The following LRRTM4 variants were observed in gnomAD, a reference collection of about 807,000 sequenced individuals.
The protein encoded by LRRTM4 is leucine-rich repeat transmembrane neuronal protein 4.
A neutral mutation model predicts 47.6 loss-of-function variants in LRRTM4; 25 were observed. The ratio of observed to expected loss-of-function variants is 0.53; its 90% CI spans 0.38 to 0.73. The LOEUF is 0.73. LRRTM4 is among the 30% of genes least tolerant of loss of function. The pLI is 0.00. For synonymous variants in LRRTM4, 311 were observed against 269.5 expected (o/e 1.15, Z -1.51); for missense variants, 638 against 713.4 (o/e 0.89, Z 1.20).
At chr2:76,915,551 G>C (rs557618372) in intron 3 of LRRTM4, among the ~76,000 whole-genome samples, 36 of 152,184 alleles carry the variant, frequency 2.4e-4, no homozygotes, top group Non-Finnish European at 4.3e-4. Context: ...CCGATGTTCT[G>C]GGTTCTACCT....
Position 76,930,044 on chromosome 2 carries a change from T to G in LRRTM4, c.1552-181128A>C, listed in dbSNP as rs1347085797. 4.6e-5 allele frequency among the ~76,000 whole-genome samples: 7 copies of G among 152,190 alleles called. No individual in the cohort carries two copies. The East Asian group carries it at 1.4e-3, about 29-fold the overall frequency. ...TATCTCTGGTGGTTATTTTTATTTTTTGTATTTCTCTGCAGAAAGATTGGA... is the reference window on the plus strand; with the variant it reads ...TATCTCTGGTGGTTATTTTTATTTTGTGTATTTCTCTGCAGAAAGATTGGA... On this transcript the variant is annotated intron_variant, in intron 3 of 3. Transcript: ENST00000409884.
At chr2:77,141,964 T>C (rs533141642) in intron 3 of LRRTM4, among the ~76,000 whole-genome samples, 3 of 152,184 alleles carry the variant, frequency 2.0e-5, no homozygotes, top group Non-Finnish European at 4.4e-5. Context: ...CTTTCTGGCC[T>C]GTTGCATTCA....
chr2:76,754,770 A>T (rs1445421207), intron 3 of LRRTM4, among the ~76,000 whole-genome samples: 1 of 152,130 alleles, frequency 6.6e-6, no homozygotes, highest in African/African-American at 2.4e-5. Flanking sequence ...CAGTGACATT[A>T]TGTGAGTTCC....
At chr2:77,314,613 A>G (rs1346946489) in intron 3 of LRRTM4, among the ~76,000 whole-genome samples, 1 of 152,192 alleles carries the variant, frequency 6.6e-6, no homozygotes, top group Admixed American at 6.5e-5. Context: ...ATAACTTAAT[A>G]TCTCTGTGAT....
chr2:76,790,847 T>C (rs1674935303), intron 3 of LRRTM4, among the ~76,000 whole-genome samples: 1 of 152,150 alleles, frequency 6.6e-6, no homozygotes, highest in Non-Finnish European at 1.5e-5. Context: ...GTTTCTCTAC[T>C]AGAAAACATG....
intron 3 of LRRTM4, among the ~76,000 whole-genome samples, chr2:76,857,530 A>G (rs961286800): frequency 2.0e-5 from 3 of 151,976 alleles, no homozygotes; most frequent in African/African-American, 7.2e-5. Flanking sequence ...GGAATTGACA[A>G]CACTAACCCC....
intron 3 of LRRTM4, among the ~76,000 whole-genome samples, chr2:76,830,074 A>G (rs1317957352): frequency 6.6e-6 from 1 of 152,008 alleles, no homozygotes; most frequent in African/African-American, 2.4e-5. Context: ...GATTTATAAA[A>G]TGAACCTTCC....
At chr2:76,908,223 A>C (rs549326854) in intron 3 of LRRTM4, among the ~76,000 whole-genome samples, 47 of 151,880 alleles carry the variant, frequency 3.1e-4, no homozygotes, top group Admixed American at 2.3e-3. Flanking sequence ...CAGCATATAA[A>C]CAGAACCAAA....
intron 3 of LRRTM4, among the ~76,000 whole-genome samples, chr2:77,476,773 T>C (rs1301395821): frequency 1.3e-5 from 2 of 152,110 alleles, no homozygotes; most frequent in African/African-American, 4.8e-5. Flanking sequence ...TTTACTACAG[T>C]ATATTTGGTG....
intron 3 of LRRTM4, among the ~76,000 whole-genome samples, chr2:76,924,904 G>T (rs1010612570): frequency 2.0e-5 from 3 of 151,968 alleles, no homozygotes; most frequent in African/African-American, 7.3e-5. Context: ...CCTCTTCACG[G>T]TAACTTTAAA....
intron 3 of LRRTM4, among the ~76,000 whole-genome samples, chr2:77,086,367 G>A (rs373401081): frequency 1.3e-5 from 2 of 151,336 alleles, no homozygotes; most frequent in Admixed American, 6.6e-5. Context: ...ATAATTTGTT[G>A]TGTCTTAAAT....
At chr2:76,870,956 T>G (rs1437621741) in intron 3 of LRRTM4, among the ~76,000 whole-genome samples, 1 of 152,200 alleles carries the variant, frequency 6.6e-6, no homozygotes, top group Non-Finnish European at 1.5e-5. Context: ...TAAGCTTTGC[T>G]CTCTGAATGA....
At chr2:77,045,200 A>G (rs1235215225) in intron 3 of LRRTM4, among the ~76,000 whole-genome samples, 1 of 151,970 alleles carries the variant, frequency 6.6e-6, no homozygotes, top group Non-Finnish European at 1.5e-5. Context: ...TAAAGTCAGC[A>G]TTCTTACTTT....
intron 3 of LRRTM4, among the ~76,000 whole-genome samples, chr2:76,877,850 A>G (rs1208693330): frequency 6.6e-6 from 1 of 152,208 alleles, no homozygotes; most frequent in East Asian, 1.9e-4. Context: ...GTATCAGTGA[A>G]GCAAACCCCT....
intron 3 of LRRTM4, among the ~76,000 whole-genome samples, chr2:76,770,929 T>A (rs1333664498): frequency 1.3e-5 from 2 of 152,224 alleles, no homozygotes; most frequent in African/African-American, 4.8e-5. Flanking sequence ...TCTGTAATCC[T>A]CAAAAAACAG....
chr2:77,241,423 T>TTTA (rs1362865907), intron 3 of LRRTM4, among the ~76,000 whole-genome samples: 3 of 151,878 alleles, frequency 2.0e-5, no homozygotes, highest in Non-Finnish European at 4.4e-5. Context: ...TTAAAATGAG[T>TTTA]CAGTAATAAG....
chr2:77,245,517 C>CAAAA (rs770133274), intron 3 of LRRTM4, among the ~76,000 whole-genome samples: 11 of 86,410 alleles, frequency 1.3e-4, no homozygotes, highest in South Asian at 7.3e-4. Flanking sequence ...GACACTGCCT[C>CAAAA]AAAAAAAAAA....
intron 3 of LRRTM4, among the ~76,000 whole-genome samples, chr2:76,794,471 T>G (rs552880145): frequency 2.4e-4 from 36 of 152,332 alleles, no homozygotes; most frequent in African/African-American, 8.2e-4. Context: ...GTTTTTTCTT[T>G]CTTTCAAAAT....
chr2:77,003,406 G>T (rs1442817684), intron 3 of LRRTM4, among the ~76,000 whole-genome samples: 2 of 152,092 alleles, frequency 1.3e-5, no homozygotes, highest in Non-Finnish European at 2.9e-5. Context: ...CCCACGTGTT[G>T]TAGGAGGGAC....
Sources: gnomAD v4.1 joint callset for allele counts (sites outside exome capture counted in the v4.1 genomes callset) on GRCh38, gnomAD v4.1.1 for gene constraint, MANE v1.5 for transcripts, NCBI Gene and HGNC (gene_info 2026-07-23, HGNC 2026-07-21) for gene names.